The following TCF7L1 variants were observed in gnomAD, a reference collection of about 807,000 sequenced individuals.
TCF7L1 encodes the protein transcription factor 7 like 1.
A neutral mutation model predicts 63.7 loss-of-function variants in TCF7L1; 18 were observed. The ratio of observed to expected loss-of-function variants is 0.28; its 90% CI spans 0.20 to 0.42. The LOEUF (loss-of-function observed/expected upper bound fraction) is 0.42, where lower values mean the gene tolerates loss of function less well. Among genes scored for constraint, TCF7L1 ranks in the 10% least tolerant of loss-of-function variants. The pLI, the probability that TCF7L1 is intolerant of heterozygous loss-of-function variation, is 1.00. For synonymous variants in TCF7L1, 355 were observed against 340.9 expected, an observed-to-expected ratio of 1.04 and a Z score of -0.46; for missense variants, 654 against 779.3, an observed-to-expected ratio of 0.84 and a Z score of 1.91.
chr2:85,300,886 TCTCCTGCCTCAGC>T (rs376715946), intron 4 of TCF7L1, among the ~76,000 whole-genome samples: 34 of 152,044 alleles, frequency 2.2e-4, no homozygotes, highest in African/African-American at 7.0e-4. Flanking sequence ...TTCCAGCAAT[TCTCCTGCCTCAGC>T]CTCCTGGGTA....
intron 3 of TCF7L1, among the ~76,000 whole-genome samples, chr2:85,240,617 C>CA (rs60695204): frequency 0.26 from 33,164 of 126,966 alleles, 5,298 homozygotes; most frequent in African/African-American, 0.49. Flanking sequence ...ACTAAAAATA[C>CA]AAAAAAAAAA....
intron 3 of TCF7L1, among the ~76,000 whole-genome samples, chr2:85,153,319 T>A (rs1678063484): frequency 6.6e-6 from 1 of 151,170 alleles, no homozygotes; most frequent in South Asian, 2.1e-4. Context: ...CTGGGTTTCA[T>A]GATCTTGCTA....
At chr2:85,155,415 C>T (rs1475993024) in intron 3 of TCF7L1, among the ~76,000 whole-genome samples, 4 of 152,140 alleles carry the variant, frequency 2.6e-5, no homozygotes, top group African/African-American at 9.7e-5. Flanking sequence ...TCTTTGGGTC[C>T]GTGCCACCTT....
At chr2:85,153,489 C>A (rs551493792) in intron 3 of TCF7L1, among the ~76,000 whole-genome samples, 3 of 151,764 alleles carry the variant, frequency 2.0e-5, no homozygotes, top group African/African-American at 4.8e-5. Context: ...CTATAGGTGC[C>A]CACCACCACG....
chr2:85,134,584 T>TA lies in TCF7L1; in HGVS notation c.441+135dup. 7.8e-7 allele frequency: 1 copy of TA among 1,284,338 alleles called. No homozygotes were observed. Among genetic ancestry groups the TA allele is most frequent in the East Asian group, 2.6e-5 (1 of 38,556 alleles). The allele number at this position is 1,284,338 out of a possible 1,614,324, so 79.6% of individuals were successfully genotyped here. The stretch of plus-strand genomic sequence containing the variant: ...GCAGAACTTGTTTGCGGAGTTGAAC[T>TA]ACTCTCTGGCGGCCGAGCGCGAGGC... On this transcript the variant is annotated intron_variant, in intron 3 of 11. Coordinates refer to ENST00000282111, the MANE Select transcript of TCF7L1 (RefSeq NM_031283.3). The surrounding 1 kb of genome is among the most constrained non-coding windows in gnomAD (Gnocchi z 5.0).
At chr2:85,180,131 A>C (rs1678769120) in intron 3 of TCF7L1, among the ~76,000 whole-genome samples, 1 of 150,606 alleles carries the variant, frequency 6.6e-6, no homozygotes, top group Non-Finnish European at 1.5e-5. Flanking sequence ...GGCCGAGAAG[A>C]TCTCCTTTGA....
Position 85,134,562 on chromosome 2 carries a change from G to T in TCF7L1, c.441+112G>T. ...GGGCCTTCTGCGCCGATCCCAAGCA[G>T]AACTTGTTTGCGGAGTTGAACTACT... On this transcript the variant is annotated intron_variant, in intron 3 of 11. Coordinates refer to ENST00000282111, the MANE Select transcript of TCF7L1 (RefSeq NM_031283.3). This position sits in a 1 kb window ranked among gnomAD's most constrained non-coding sequence, Gnocchi z 5.0. 2.1e-6 allele frequency: 3 copies of T among 1,398,034 alleles called. No homozygotes were observed. The highest frequency in any genetic ancestry group is 1.9e-6 in the Non-Finnish European group (2 of 1,058,158). The allele number at this position is 1,398,034 out of a possible 1,614,324, so 86.6% of individuals were successfully genotyped here.
chr2:85,277,644 G>A (rs1307557511), intron 3 of TCF7L1, among the ~76,000 whole-genome samples: 2 of 152,232 alleles, frequency 1.3e-5, no homozygotes, highest in Non-Finnish European at 2.9e-5. Context: ...GCTGGAGCAA[G>A]GGGCGCTTTC....
intron 4 of TCF7L1, among the ~76,000 whole-genome samples, chr2:85,291,851 G>T (rs1254198701): frequency 2.0e-5 from 3 of 152,088 alleles, no homozygotes; most frequent in African/African-American, 4.8e-5. Context: ...GACTACAGGT[G>T]TGCACCACCA....
intron 3 of TCF7L1, among the ~76,000 whole-genome samples, chr2:85,222,669 C>CAAAAA (rs60020804): frequency 0.01 from 590 of 58,092 alleles, 20 homozygotes; most frequent in African/African-American, 0.029. Context: ...GACCCCATCT[C>CAAAAA]AAAAAAAAAA....
chr2:85,267,255 C>T (rs766435013), intron 3 of TCF7L1, among the ~76,000 whole-genome samples: 13 of 147,720 alleles, frequency 8.8e-5, no homozygotes, highest in South Asian at 2.1e-4. Flanking sequence ...CACTTGAACC[C>T]GGGAGGCGGA....
Position 85,306,172 on chromosome 2 carries a change from T to A in TCF7L1, c.990-34T>A. ...GGGGATTGATGAGTTGTGTGACACCTGACATGCTAACCTACAACCACGTGC... is the reference window on the plus strand; with the variant it reads ...GGGGATTGATGAGTTGTGTGACACCAGACATGCTAACCTACAACCACGTGC... On this transcript the variant is annotated intron_variant, in intron 8 of 11. Coordinates refer to ENST00000282111, the MANE Select transcript of TCF7L1 (RefSeq NM_031283.3). The surrounding 1 kb of genome is among the most constrained non-coding windows in gnomAD (Gnocchi z 4.3). 6.2e-7 allele frequency: 1 copy of A among 1,613,222 alleles called. No individual in the cohort carries two copies. Among genetic ancestry groups the A allele is most frequent in the African/African-American group, 1.3e-5 (1 of 74,990 alleles).
At chr2:85,197,912 T>C (rs1679193965) in intron 3 of TCF7L1, among the ~76,000 whole-genome samples, 2 of 152,150 alleles carry the variant, frequency 1.3e-5, no homozygotes, top group South Asian at 4.2e-4. Flanking sequence ...GTAACTTACT[T>C]CAGTGAGCAG....
chr2:85,283,955 C>T (rs558589095), intron 4 of TCF7L1, among the ~76,000 whole-genome samples: 1 of 152,214 alleles, frequency 6.6e-6, no homozygotes, highest in Admixed American at 6.5e-5. Flanking sequence ...CTCCTCTTCT[C>T]CCTCATAGCT....
In TCF7L1 at chr2:85,294,755, AG is replaced by A. The variant is rs1278552273; in HGVS notation, c.526-7727del. On this transcript the variant is annotated intron_variant, in intron 4 of 11. Coordinates refer to ENST00000282111, the MANE Select transcript of TCF7L1 (RefSeq NM_031283.3). ...CCCTTTTACAACTGTACATACAGCC[AG>A]GCACGGTGACTCACACCTGTAATCC... Among the ~76,000 whole-genome samples, 8 of 152,178 alleles carry A rather than the reference AG, an allele frequency of 5.3e-5. 1 individual carries two copies. Among genetic ancestry groups the A allele is most frequent in the Admixed American group, 3.9e-4 (6 of 15,270 alleles).
rs117288750 is a variant in TCF7L1, at chr2:85,264,412, A to G, written c.442-19083A>G. Among the ~76,000 whole-genome samples the G allele has an allele frequency of 5.3e-5, 8 of 152,312 alleles. No individual in the cohort carries two copies. In the East Asian group the frequency reaches 1.5e-3, roughly 29 times the overall value. On this transcript the variant is annotated intron_variant, in intron 3 of 11. Coordinates refer to ENST00000282111, the MANE Select transcript of TCF7L1 (RefSeq NM_031283.3). ...GTGCATGCATCACAAATCCTCGGAC[A>G]TGAGATGGAGTTGTCACCTGGTCAG...
At chr2:85,215,972 T>C (rs545898069) in intron 3 of TCF7L1, among the ~76,000 whole-genome samples, 42 of 152,078 alleles carry the variant, frequency 2.8e-4, no homozygotes, top group African/African-American at 9.4e-4. Flanking sequence ...TGTGGTCAAA[T>C]TAGGGTTTTG....
chr2:85,305,138 C>T, intron 7 of TCF7L1, 122 bp from the exon 8 acceptor site: 1 of 1,358,550 alleles, frequency 7.4e-7, no homozygotes, highest in South Asian at 1.2e-5. Context: ...CCTTCTAGTC[C>T]TGAGACTCTG....
Position 85,283,434 on chromosome 2 carries a change from CTT to C in TCF7L1, c.442-59_442-58del, listed in dbSNP as rs1465622105. The C allele has an allele frequency of 3.1e-6, 5 of 1,596,142 alleles. No homozygotes were observed. In the African/African-American group the frequency reaches 5.4e-5, roughly 17 times the overall value. On this transcript the variant is annotated intron_variant, in intron 3 of 11. Transcript: ENST00000282111. ...TGCCCTAACAGCAGAGCCCAGCAAA[CTT>C]TGAGTACTTGTGAGGCCTCATCTCA...
Sources: gnomAD v4.1 joint callset for allele counts (sites outside exome capture counted in the v4.1 genomes callset) on GRCh38, gnomAD v4.1.1 for gene constraint, Gnocchi (gnomAD v3.1) non-coding constraint, MANE v1.5 for transcripts, NCBI Gene and HGNC (gene_info 2026-07-23, HGNC 2026-07-21) for gene names.